Variants in PRDM11 observed in about 807,000 individuals in gnomAD.
The protein encoded by PRDM11 is PR domain-containing protein 11.
Under a neutral mutation model 97.8 loss-of-function variants are expected in PRDM11, and 20 were observed. That is an observed-to-expected ratio of 0.20 (90% CI 0.14 to 0.30). The LOEUF is 0.30. PRDM11 is among the 10% of genes least tolerant of loss of function. The probability of loss-of-function intolerance (pLI) is 1.00; values close to 1 mark genes in which losing one functional copy is unlikely to be tolerated. For synonymous variants in PRDM11, 599 were observed against 637.7 expected, an observed-to-expected ratio of 0.94 and a Z score of 0.91; for missense variants, 1,139 against 1,555.2, an observed-to-expected ratio of 0.73 and a Z score of 4.50.
chr11:45,170,883 T>G (rs2135717970), intron 1 of PRDM11, among the ~76,000 whole-genome samples: 1 of 152,242 alleles, frequency 6.6e-6, no homozygotes, highest in Admixed American at 6.5e-5. Context: ...GTTCCATGGC[T>G]TCCTTCTTTG....
intron 1 of PRDM11, among the ~76,000 whole-genome samples, chr11:45,113,869 T>C (rs867466467): frequency 1.1e-4 from 16 of 151,164 alleles, no homozygotes; most frequent in African/African-American, 3.6e-4. Flanking sequence ...TGATTTTGTA[T>C]CCTGAGGCTC....
intron 1 of PRDM11, among the ~76,000 whole-genome samples, chr11:45,102,363 T>A (rs1262171549): frequency 3.3e-5 from 5 of 152,218 alleles, no homozygotes; most frequent in East Asian, 1.9e-4. Flanking sequence ...CAAAGGCTCT[T>A]CCTGTCTTAG....
Position 45,227,207 on chromosome 11 carries a change from C to A in PRDM11, c.2582C>A (p.Ala861Asp). 1 of 1,533,998 alleles carries A rather than the reference C, an allele frequency of 6.5e-7. No homozygotes were observed. Among genetic ancestry groups the A allele is most frequent in the South Asian group, 1.2e-5 (1 of 83,974 alleles). The change falls in exon 8 of 8, where the codon GCC becomes GAC. Residue 861 changes from alanine to aspartate, a missense_variant. Ala to Asp is a moderately radical substitution (Grantham distance 126). Around this residue, in one of 2 missense-constraint regions of PRDM11, gnomAD observed 710 missense variants for 1,044.9 expected, o/e 0.68. Transcript: ENST00000683152. The surrounding 1 kb of genome is among the most constrained non-coding windows in gnomAD (Gnocchi z 8.0). ...EVSSQTQRAD[A>D]SAIALALLQF... ...AGCAGCCAGACCCAGCGGGCAGACG[C>A]CTCGGCCATCGCACTGGCCCTGCTG...
chr11:45,149,607 A>G lies in PRDM11; in HGVS notation c.-7+2730A>G, dbSNP rs189388779. 1.2e-3 allele frequency among the ~76,000 whole-genome samples: 187 copies of G among 152,344 alleles called. No individual in the cohort carries two copies. In the Middle Eastern group the frequency reaches 0.017, roughly 14 times the overall value. ...CCCATGACTGGCTGGTGAATTATAA[A>G]TGACAGTGATTCACGTCACTTCTGG... On this transcript the variant is annotated intron_variant, in intron 1 of 7. Transcript: ENST00000683152.
intron 1 of PRDM11, among the ~76,000 whole-genome samples, chr11:45,126,513 C>T (rs1346449659): frequency 2.0e-5 from 3 of 152,014 alleles, no homozygotes; most frequent in Admixed American, 6.6e-5. Flanking sequence ...CCTTCAGGAG[C>T]TCTTTTACGG....
chr11:45,204,272 A>C (rs1282696440), intron 4 of PRDM11, among the ~76,000 whole-genome samples: 1 of 152,198 alleles, frequency 6.6e-6, no homozygotes, highest in Non-Finnish European at 1.5e-5. Flanking sequence ...CAAATCACAT[A>C]TATTCAGTCA....
chr11:45,188,234 A>G (rs957889819), intron 4 of PRDM11, among the ~76,000 whole-genome samples: 2 of 152,232 alleles, frequency 1.3e-5, no homozygotes, highest in African/African-American at 4.8e-5. Context: ...GTCTGTGCTC[A>G]GTGCTTTATA....
At chr11:45,127,908 A>T (rs1852617099) in intron 1 of PRDM11, among the ~76,000 whole-genome samples, 1 of 152,224 alleles carries the variant, frequency 6.6e-6, no homozygotes, top group East Asian at 1.9e-4. Flanking sequence ...AAGTCTGTAG[A>T]GGTTACTGCT....
chr11:45,173,622 CAA>C (rs1163035481), intron 1 of PRDM11, among the ~76,000 whole-genome samples: 82 of 68,332 alleles, frequency 1.2e-3, no homozygotes, highest in Admixed American at 1.9e-3. Context: ...AACACCGCGT[CAA>C]AAAAAAAAAA....
rs892934840 is a variant in PRDM11 at position 45,219,794 on chromosome 11, T to A, written c.742+37T>A. ...GCTCCACATGAGCTGCGCCCACCTC[T>A]GAGCCCCAGGGGAGGCCTGGATAGC... On this transcript the variant is annotated intron_variant, in intron 6 of 7. Coordinates refer to ENST00000683152, the MANE Select transcript of PRDM11 (RefSeq NM_001384648.1). The surrounding 1 kb of genome is among the most constrained non-coding windows in gnomAD (Gnocchi z 4.2). 15 of 1,588,492 alleles carry A rather than the reference T, an allele frequency of 9.4e-6. No homozygotes were observed. The highest frequency in any genetic ancestry group is 1.3e-5 in the Non-Finnish European group (15 of 1,165,264).
upstream of PRDM11, among the ~76,000 whole-genome samples, chr11:45,142,760 G>A (rs147336685): frequency 5.9e-5 from 9 of 152,302 alleles, no homozygotes; most frequent in East Asian, 1.9e-4. Flanking sequence ...TCCAAGAGAC[G>A]GATCCCTCAG....
At chr11:45,179,446 C>G (rs1027884240) in intron 1 of PRDM11, among the ~76,000 whole-genome samples, 2 of 152,274 alleles carry the variant, frequency 1.3e-5, no homozygotes, top group African/African-American at 4.8e-5. Flanking sequence ...GTTAGATAAC[C>G]TGCTGTATTA....
chr11:45,220,077 A>G (rs903979118), intron 6 of PRDM11, among the ~76,000 whole-genome samples: 2 of 152,218 alleles, frequency 1.3e-5, no homozygotes, highest in African/African-American at 2.4e-5. Flanking sequence ...GTTGATGAAA[A>G]GATGTTACAA....
At chr11:45,147,880 C>T (rs770672416) in intron 1 of PRDM11, among the ~76,000 whole-genome samples, 3 of 152,130 alleles carry the variant, frequency 2.0e-5, no homozygotes, top group Non-Finnish European at 4.4e-5. Context: ...CACACCCAGC[C>T]CTTTGTGCGT....
rs764637700 is a variant in PRDM11 at position 45,227,301 on chromosome 11, G to A, written c.2676G>A (p.Ser892=). ...YFLLDVIAVL[S]RLAYIFQGEY... is the part of the protein sequence containing the mutation. ...TGCTGGACGTGATTGCTGTGCTCTCGCGTCTGGCCTACATCTTCCAGGGCG... is the reference window on the plus strand; with the variant it reads ...TGCTGGACGTGATTGCTGTGCTCTCACGTCTGGCCTACATCTTCCAGGGCG... Residue 892 remains serine (S), a synonymous_variant, in exon 8 of 8, where the codon TCG becomes TCA. Coordinates refer to ENST00000683152, the MANE Select transcript of PRDM11 (RefSeq NM_001384648.1). The surrounding 1 kb of genome is among the most constrained non-coding windows in gnomAD (Gnocchi z 8.0). The A allele has an allele frequency of 1.8e-5, 28 of 1,533,834 alleles. No individual in the cohort carries two copies. Among genetic ancestry groups the A allele is most frequent in the Middle Eastern group, 2.3e-4 (1 of 4,380 alleles).
chr11:45,165,208 C>A (rs577317790), intron 1 of PRDM11, among the ~76,000 whole-genome samples: 1 of 152,156 alleles, frequency 6.6e-6, no homozygotes, highest in Non-Finnish European at 1.5e-5. Flanking sequence ...CAGGGCTGCC[C>A]TTGTTCCTGC....
chr11:45,163,266 A>G (rs573106358), intron 1 of PRDM11, among the ~76,000 whole-genome samples: 2 of 152,370 alleles, frequency 1.3e-5, no homozygotes, highest in East Asian at 1.9e-4. Flanking sequence ...TCAAGTTCCT[A>G]TGGATCACTC....
intron 1 of PRDM11, among the ~76,000 whole-genome samples, chr11:45,170,081 G>A (rs1182624722): frequency 6.6e-6 from 1 of 152,200 alleles, no homozygotes; most frequent in Non-Finnish European, 1.5e-5. Context: ...GGTGGCTCAT[G>A]CCTATAATGC....
chr11:45,230,311 C>T lies in PRDM11; in HGVS notation c.*2152C>T, dbSNP rs1247317741. On this transcript the variant is annotated 3_prime_UTR_variant, in exon 8 of 8. Transcript: ENST00000683152. ...GGTGACATCCACCCCACCTCCCACC[C>T]CAGTTGCACACATGCTTCCCTACCC... 6.6e-6 allele frequency: 1 copy of T among 152,146 alleles called. No homozygotes were observed. The highest frequency in any genetic ancestry group is 1.9e-4 in the East Asian group (1 of 5,190). 9.4% of individuals were successfully genotyped at this position (152,146 alleles called of 1,614,324 possible).
Sources: gnomAD v4.1 joint callset for allele counts (sites outside exome capture counted in the v4.1 genomes callset) on GRCh38, gnomAD v4.1.1 for gene constraint, gnomAD v4.1.1 regional missense constraint, Gnocchi (gnomAD v3.1) non-coding constraint, MANE v1.5 for transcripts, NCBI Gene and HGNC (gene_info 2026-07-23, HGNC 2026-07-21) for gene names.